Variants in PPIA observed in about 807,000 individuals in gnomAD.
The protein encoded by PPIA is peptidylprolyl isomerase A.
Under a neutral mutation model 15.3 loss-of-function variants are expected in PPIA, and 2 were observed. That is an observed-to-expected ratio of 0.13 (90% CI 0.05 to 0.41). The LOEUF is 0.41. PPIA is among the 10% of genes least tolerant of loss of function. The pLI, the probability that PPIA is intolerant of heterozygous loss-of-function variation, is 0.99. For synonymous variants in PPIA, 67 were observed against 73.1 expected, an observed-to-expected ratio of 0.92 and a Z score of 0.43; for missense variants, 103 against 210.3, an observed-to-expected ratio of 0.49 and a Z score of 3.16.
intron 3 of PPIA, 59 bp from the exon 4 acceptor site, chr7:44,799,643 G>A (rs1792486385): frequency 1.9e-6 from 3 of 1,607,606 alleles, no homozygotes; most frequent in Admixed American, 3.3e-5. Flanking sequence ...GAACCTTGCA[G>A]ATTTGGCACA....
In PPIA at chr7:44,799,473, T is replaced by C; in HGVS notation, c.182T>C (p.Met61Thr). The part of the protein sequence containing the change: ...SCFHRIIPGF[M>T]CQGGDFTRHN... ...TTTCACAGAATTATTCCAGGGTTTA[T>C]GTGTCAGGTACGAAATTTACTGAAT... Residue 61 changes from methionine (M) to threonine (T), a missense_variant, in exon 3 of 5, where the codon ATG becomes ACG. By Grantham distance (81) the Met-to-Thr change is moderately conservative. Transcript: ENST00000468812. 1 of 1,612,082 alleles carries C rather than the reference T, an allele frequency of 6.2e-7. No individual in the cohort carries two copies. Among genetic ancestry groups the C allele is most frequent in the Middle Eastern group, 1.7e-4 (1 of 6,054 alleles).
chr7:44,797,699 G>A (rs6970925), intron 1 of PPIA, among the ~76,000 whole-genome samples: 104,270 of 152,186 alleles, frequency 0.69, 36,697 homozygotes, highest in East Asian at 0.97. Context: ...TTATAGCATA[G>A]TATCTAAACT....
rs1391196327 is a variant in PPIA at position 44,799,272 on chromosome 7, C to G, written c.95C>G (p.Thr32Arg). 6.2e-7 allele frequency: 1 copy of G among 1,613,840 alleles called. No individual in the cohort carries two copies. Among genetic ancestry groups the G allele is most frequent in the South Asian group, 1.1e-5 (1 of 91,000 alleles). Residue 32 changes from threonine (T) to arginine (R), a missense_variant, in exon 2 of 5, where the codon ACA (threonine) becomes AGA (arginine). By Grantham distance (71) the Thr-to-Arg change is moderately conservative (BLOSUM62 -1). Coordinates refer to ENST00000468812, the MANE Select transcript of PPIA (RefSeq NM_021130.5). The stretch of plus-strand genomic sequence containing the variant: ...CTGTTTGCAGACAAGGTCCCAAAGA[C>G]AGCAGGTTGGTCCATTTTCTAAGTT... ...FELFADKVPK[T>R]AENFRALSTG...
chr7:44,798,927 G>T (rs1464786094), intron 1 of PPIA: 4 of 1,098,328 alleles, frequency 3.6e-6, no homozygotes, highest in Non-Finnish European at 2.2e-6. Context: ...TCAAGTTGGG[G>T]GGTGGTGATA....
intron 1 of PPIA, among the ~76,000 whole-genome samples, chr7:44,797,441 C>G (rs1217010727): frequency 6.6e-6 from 1 of 152,184 alleles, no homozygotes; most frequent in Non-Finnish European, 1.5e-5. Flanking sequence ...AAACGTCCCT[C>G]CGTGTCCCCC....
rs1426465599 is a variant in PPIA, at chr7:44,802,178, T to C, written c.*756T>C. The stretch of plus-strand genomic sequence containing the variant: ...AAATTGAGACATCTGTTGCGGTTTT[T>C]TTTTTTTTTTTTTCCCCTGGAATGC... On this transcript the variant is annotated 3_prime_UTR_variant, in exon 5 of 5. Coordinates refer to ENST00000468812, the MANE Select transcript of PPIA (RefSeq NM_021130.5). 6.0e-5 allele frequency: 9 copies of C among 150,858 alleles called. No homozygotes were observed. Among genetic ancestry groups the C allele is most frequent in the African/African-American group, 7.4e-5 (3 of 40,756 alleles). 9.3% of individuals were successfully genotyped at this position (150,858 alleles called of 1,614,324 possible).
At position 44,799,790 on chromosome 7, in the gene PPIA, C is replaced by T. The variant is rs1792490695; in HGVS notation, c.278C>T (p.Thr93Met). Residue 93 changes from threonine to methionine, a missense_variant, in exon 4 of 5, where the codon ACG (threonine) becomes ATG (methionine). Physicochemically the swap from Thr to Met is moderately conservative, Grantham distance 81 (BLOSUM62 -1). Coordinates refer to ENST00000468812, the MANE Select transcript of PPIA (RefSeq NM_021130.5). ...FEDENFILKH[T>M]GPGILSMANA... ...GATGAGAACTTCATCCTAAAGCATA[C>T]GGGTCCTGGCATCTTGTCCATGGCA... The T allele has an allele frequency of 3.7e-6, 6 of 1,613,724 alleles. No homozygotes were observed. The highest frequency in any genetic ancestry group is 4.2e-6 in the Non-Finnish European group (5 of 1,179,894).
In PPIA at chr7:44,797,111, C is replaced by A. The variant is rs1792395889; in HGVS notation, c.69+318C>A. On this transcript the variant is annotated intron_variant, in intron 1 of 4. Coordinates refer to ENST00000468812, the MANE Select transcript of PPIA (RefSeq NM_021130.5). ...CGTGCTCGGCGGCCGCGCTCAGGTC[C>A]GCGCCTTGAGAGTCGTTGGGCTCCG... 2.6e-5 allele frequency among the ~76,000 whole-genome samples: 4 copies of A among 152,204 alleles called. No individual in the cohort carries two copies. The South Asian group carries it at 6.2e-4, about 24-fold the overall frequency.
intron 4 of PPIA, chr7:44,800,113 G>T: frequency 1.9e-6 from 1 of 518,682 alleles, no homozygotes; most frequent in Non-Finnish European, 3.4e-6. Context: ...TTTTTGAGAT[G>T]GAGTTTTGCT....
chr7:44,799,066 G>C (rs1387017067), intron 1 of PPIA, 181 bp from the exon 2 acceptor site: 22 of 1,088,840 alleles, frequency 2.0e-5, no homozygotes, highest in Non-Finnish European at 2.7e-5. Context: ...TGGGTTTCAT[G>C]TTTCTTAACC....
At chr7:44,799,104 C>A in intron 1 of PPIA, 143 bp from the exon 2 acceptor site, 1 of 1,143,990 alleles carries the variant, frequency 8.7e-7, no homozygotes, top group Non-Finnish European at 1.2e-6. Flanking sequence ...TTATGGCTGT[C>A]AGGAGCAGTT....
rs920273857 is a variant in PPIA at position 44,802,231 on chromosome 7, C to T, written c.*809C>T. 1 of 150,144 alleles carries T rather than the reference C, an allele frequency of 6.7e-6. No homozygotes were observed. Among genetic ancestry groups the T allele is most frequent in the African/African-American group, 2.5e-5 (1 of 40,614 alleles). The allele number at this position is 150,144 out of a possible 1,614,324, so 9.3% of individuals were successfully genotyped here. A position where few individuals can be genotyped will look rare whatever the true frequency, so the allele number is the denominator to read the frequency against. On this transcript the variant is annotated 3_prime_UTR_variant, in exon 5 of 5. Transcript: ENST00000468812. The stretch of plus-strand genomic sequence containing the variant: ...TGGCGTGATCTCAGCTCACTGCAGC[C>T]TCCGCCTCCTGGGTTCAAGTGATTC...
Position 44,801,722 on chromosome 7 carries a change from C to T in PPIA, c.*300C>T, listed in dbSNP as rs907551542. 1.9e-5 allele frequency: 5 copies of T among 258,164 alleles called. No individual in the cohort carries two copies. The highest frequency in any genetic ancestry group is 3.6e-5 in the Non-Finnish European group (5 of 137,774). The allele number at this position is 258,164 out of a possible 1,614,324, so 16.0% of individuals were successfully genotyped here. A position where few individuals can be genotyped will look rare whatever the true frequency, so the allele number is the denominator to read the frequency against. On this transcript the variant is annotated 3_prime_UTR_variant, in exon 5 of 5. Transcript: ENST00000468812. ...CATCACTTGTTTGCTTAATTCTACACAGTACTTAGATTTTTTTTACTTTCC... is the reference window on the plus strand; with the variant it reads ...CATCACTTGTTTGCTTAATTCTACATAGTACTTAGATTTTTTTTACTTTCC...
At chr7:44,798,128 G>C (rs1792436068) in intron 1 of PPIA, 1 of 152,194 alleles carries the variant, frequency 6.6e-6, no homozygotes, top group African/African-American at 2.4e-5. Context: ...AGGGGTAACT[G>C]CCAATGAGGG....
rs1368446427 is a variant in PPIA at position 44,802,386 on chromosome 7, T to C, written c.*964T>C. 1.3e-5 allele frequency: 2 copies of C among 152,138 alleles called. No homozygotes were observed. The highest frequency in any genetic ancestry group is 3.2e-3 in the Middle Eastern group (1 of 316). The allele number at this position is 152,138 out of a possible 1,614,324, so 9.4% of individuals were successfully genotyped here. A position where few individuals can be genotyped will look rare whatever the true frequency, so the allele number is the denominator to read the frequency against. ...CTGGTCTCAAACTCTTGACCTCAGC[T>C]GATGCGCCTGCCTTGGCCTCCCAAA... On this transcript the variant is annotated 3_prime_UTR_variant, in exon 5 of 5. Coordinates refer to ENST00000468812, the MANE Select transcript of PPIA (RefSeq NM_021130.5).
In PPIA at chr7:44,802,431, G is replaced by C. The variant is rs149127139; in HGVS notation, c.*1009G>C. ...CCCAAACTGCTGAGATTACAGATGT[G>C]AGCCACCGCACCCTACCTCATTTTC... On this transcript the variant is annotated 3_prime_UTR_variant, in exon 5 of 5. Transcript: ENST00000468812. 5 of 152,148 alleles carry C rather than the reference G, an allele frequency of 3.3e-5. No individual in the cohort carries two copies. Among genetic ancestry groups the C allele is most frequent in the African/African-American group, 7.2e-5 (3 of 41,420 alleles). The allele number at this position is 152,148 out of a possible 1,614,324, so 9.4% of individuals were successfully genotyped here.
Position 44,801,696 on chromosome 7 carries a change from A to G in PPIA, c.*274A>G, listed in dbSNP as rs1237916930. ...TAAGCAGTAATGGGTTACTTCTGAA[A>G]CATCACTTGTTTGCTTAATTCTACA... On this transcript the variant is annotated 3_prime_UTR_variant, in exon 5 of 5. Coordinates refer to ENST00000468812, the MANE Select transcript of PPIA (RefSeq NM_021130.5). 31 of 332,756 alleles carry G rather than the reference A, an allele frequency of 9.3e-5. No individual in the cohort carries two copies. Among genetic ancestry groups the G allele is most frequent in the Non-Finnish European group, 1.7e-4 (30 of 179,068 alleles). The allele number at this position is 332,756 out of a possible 1,614,324, so 20.6% of individuals were successfully genotyped here. A position where few individuals can be genotyped will look rare whatever the true frequency, so the allele number is the denominator to read the frequency against.
Position 44,801,577 on chromosome 7 carries a change from A to G in PPIA, c.*155A>G. 1 of 577,842 alleles carries G rather than the reference A, an allele frequency of 1.7e-6. No individual in the cohort carries two copies. The highest frequency in any genetic ancestry group is 2.9e-5 in the East Asian group (1 of 34,052). 35.8% of individuals were successfully genotyped at this position (577,842 alleles called of 1,614,324 possible). On this transcript the variant is annotated 3_prime_UTR_variant, in exon 5 of 5. Coordinates refer to ENST00000468812, the MANE Select transcript of PPIA (RefSeq NM_021130.5). Reference sequence around the variant, plus strand: ...GTTTTCCTTGTTCCCTCCCATGCCTAGCTGGATTGCAGAGTTAAGTTTATG... The same window carrying G: ...GTTTTCCTTGTTCCCTCCCATGCCTGGCTGGATTGCAGAGTTAAGTTTATG...
Position 44,799,797 on chromosome 7 carries a change from T to C in PPIA, c.285T>C (p.Pro95=). ...ACTTCATCCTAAAGCATACGGGTCC[T>C]GGCATCTTGTCCATGGCAAATGCTG... ...DENFILKHTG[P]GILSMANAGP... is the part of the protein sequence containing the mutation. Residue 95 remains proline, a synonymous_variant, in exon 4 of 5, where the codon CCT becomes CCC. Coordinates refer to ENST00000468812, the MANE Select transcript of PPIA (RefSeq NM_021130.5). 6.2e-7 allele frequency: 1 copy of C among 1,613,848 alleles called. No individual in the cohort carries two copies. Among genetic ancestry groups the C allele is most frequent in the Non-Finnish European group, 8.5e-7 (1 of 1,179,958 alleles).
Sources: gnomAD v4.1 joint callset for allele counts (sites outside exome capture counted in the v4.1 genomes callset) on GRCh38, gnomAD v4.1.1 for gene constraint, MANE v1.5 for transcripts, NCBI Gene and HGNC (gene_info 2026-07-23, HGNC 2026-07-21) for gene names.